Variants in CDH12 observed in about 807,000 individuals in gnomAD.
CDH12 encodes the protein cadherin-12.
Under a neutral mutation model 74.1 loss-of-function variants are expected in CDH12, and 41 were observed. The observed-to-expected ratio is 0.55, with a 90% CI of 0.43 to 0.72. CDH12 has a LOEUF of 0.72. Among genes scored for constraint, CDH12 ranks in the 30% least tolerant of loss-of-function variants. The pLI is 0.00. For synonymous variants in CDH12, 399 were observed against 355.0 expected, an observed-to-expected ratio of 1.12 and a Z score of -1.39; for missense variants, 945 against 977.2, an observed-to-expected ratio of 0.97 and a Z score of 0.44.
intron 2 of CDH12, among the ~76,000 whole-genome samples, chr5:22,406,770 T>C (rs762840919): frequency 6.6e-5 from 10 of 152,146 alleles, no homozygotes; most frequent in East Asian, 3.9e-4. Context: ...ATTTTTCAGA[T>C]TGTTCAAAAA....
chr5:22,668,556 G>A (rs1175678579), intron 1 of CDH12, among the ~76,000 whole-genome samples: 4 of 152,272 alleles, frequency 2.6e-5, no homozygotes, highest in South Asian at 4.1e-4. Context: ...GAGTTCTGAG[G>A]TGGTGCAGGG....
chr5:22,141,772 A>G (rs1243640972), intron 4 of CDH12, among the ~76,000 whole-genome samples: 2 of 152,200 alleles, frequency 1.3e-5, no homozygotes, highest in African/African-American at 4.8e-5. Flanking sequence ...GGCAAAGAAG[A>G]TAAAAGTTAA....
chr5:22,656,790 T>C (rs1238005431), intron 1 of CDH12, among the ~76,000 whole-genome samples: 2 of 152,146 alleles, frequency 1.3e-5, no homozygotes, highest in Non-Finnish European at 2.9e-5. Context: ...AAAATATCCA[T>C]TAATAGTAGA....
chr5:22,144,649 T>C (rs1442060593), intron 4 of CDH12, among the ~76,000 whole-genome samples: 1 of 152,128 alleles, frequency 6.6e-6, no homozygotes, highest in Non-Finnish European at 1.5e-5. Context: ...GTTCTCTACC[T>C]GCTTAGATTA....
chr5:21,787,265 T>G (rs1746247338), intron 10 of CDH12, among the ~76,000 whole-genome samples: 1 of 152,124 alleles, frequency 6.6e-6, no homozygotes, highest in Non-Finnish European at 1.5e-5. Context: ...AAACCTCATT[T>G]TTTTCTTAAG....
chr5:21,956,595 T>C (rs892772066), intron 6 of CDH12, among the ~76,000 whole-genome samples: 19 of 152,092 alleles, frequency 1.2e-4, no homozygotes, highest in Non-Finnish European at 1.8e-4. Flanking sequence ...AAATACTTTA[T>C]GGTTATTTTT....
chr5:22,818,261 A>G (rs970903891), intron 1 of CDH12, among the ~76,000 whole-genome samples: 3 of 152,140 alleles, frequency 2.0e-5, no homozygotes, highest in African/African-American at 7.2e-5. Flanking sequence ...TCTCTTCCTC[A>G]TTATCTCACA....
intron 1 of CDH12, among the ~76,000 whole-genome samples, chr5:22,802,430 A>T (rs1299980959): frequency 6.6e-6 from 1 of 152,022 alleles, no homozygotes; most frequent in East Asian, 1.9e-4. Context: ...CAGAATATTA[A>T]ATTCTAATTT....
At chr5:22,388,479 AT>A (rs1742096300) in intron 3 of CDH12, among the ~76,000 whole-genome samples, 1 of 152,148 alleles carries the variant, frequency 6.6e-6, no homozygotes, top group South Asian at 2.1e-4. Flanking sequence ...AAGAAAACAT[AT>A]TTCATATTAA....
Position 22,095,072 on chromosome 5 carries a change from C to T in CDH12, c.-186-16210G>A, listed in dbSNP as rs140725077. Among the ~76,000 whole-genome samples the T allele has an allele frequency of 8.5e-3, 1,287 of 152,268 alleles. 20 individuals carry two copies. Among genetic ancestry groups the T allele is most frequent in the African/African-American group, 0.03 (1,230 of 41,558 alleles). ...CACGGACATACATGAAATTTGGTGC[C>T]GTGACTTGGATCGGGGGACCTCCCT... On this transcript the variant is annotated intron_variant, in intron 4 of 14. Transcript: ENST00000382254.
chr5:22,427,331 C>A (rs1404971874), intron 2 of CDH12, among the ~76,000 whole-genome samples: 1 of 152,018 alleles, frequency 6.6e-6, no homozygotes, highest in Non-Finnish European at 1.5e-5. Context: ...CCACGCCCGG[C>A]TAATTTTTAT....
intron 8 of CDH12, among the ~76,000 whole-genome samples, chr5:21,826,110 A>G (rs1181942535): frequency 1.3e-5 from 2 of 152,016 alleles, no homozygotes; most frequent in African/African-American, 2.4e-5. Flanking sequence ...AGGTAACTTC[A>G]TCTCTCCCTT....
rs559620374 is a variant in CDH12, at chr5:22,146,401, A to C, written c.-187+66097T>G. Among the ~76,000 whole-genome samples the C allele has an allele frequency of 3.2e-4, 49 of 152,258 alleles. 1 individual carries two copies. Among genetic ancestry groups the C allele is most frequent in the African/African-American group, 1.0e-3 (42 of 41,582 alleles). Reference sequence around the variant, plus strand: ...GTATCAATCAGGATTAAATTTTCAAATGTTCATAACATTTAACAACAGACT... The same window carrying C: ...GTATCAATCAGGATTAAATTTTCAACTGTTCATAACATTTAACAACAGACT... On this transcript the variant is annotated intron_variant, in intron 4 of 14. Transcript: ENST00000382254.
At chr5:22,568,881 T>C (rs114272838) in intron 1 of CDH12, among the ~76,000 whole-genome samples, 4,548 of 152,344 alleles carry the variant, frequency 0.03, 113 homozygotes, top group Non-Finnish European at 0.041. Flanking sequence ...AAAATGCTAA[T>C]GCTCATTTGA....
At chr5:22,289,345 A>C (rs1357712474) in intron 3 of CDH12, among the ~76,000 whole-genome samples, 1 of 152,206 alleles carries the variant, frequency 6.6e-6, no homozygotes, top group Non-Finnish European at 1.5e-5. Context: ...TGGAAATTGA[A>C]GGGCAACTGA....
chr5:21,978,270 T>G (rs996824934), intron 5 of CDH12, among the ~76,000 whole-genome samples: 2 of 151,942 alleles, frequency 1.3e-5, no homozygotes, highest in Admixed American at 6.6e-5. Context: ...GCCTCCAGAG[T>G]AGCTGGAACT....
intron 1 of CDH12, among the ~76,000 whole-genome samples, chr5:22,712,780 C>G (rs1222890925): frequency 6.6e-6 from 1 of 152,050 alleles, no homozygotes; most frequent in African/African-American, 2.4e-5. Context: ...AGAGGTGAAG[C>G]TAGGATGTGT....
chr5:22,182,813 T>A (rs1426434564), intron 4 of CDH12, among the ~76,000 whole-genome samples: 2 of 151,544 alleles, frequency 1.3e-5, no homozygotes, highest in African/African-American at 4.8e-5. Context: ...GAGCAAATGA[T>A]CAACACTATA....
intron 6 of CDH12, among the ~76,000 whole-genome samples, chr5:21,861,723 G>C (rs1380813741): frequency 6.6e-6 from 1 of 152,032 alleles, no homozygotes; most frequent in African/African-American, 2.4e-5. Flanking sequence ...GGATCAAAAA[G>C]CATATAGATT....
Sources: allele counts gnomAD v4.1 joint callset (sites outside exome capture counted in the v4.1 genomes callset), GRCh38; gene constraint gnomAD v4.1.1; transcripts MANE v1.5; gene names NCBI Gene and HGNC (gene_info 2026-07-23, HGNC 2026-07-21).